The following ASIC2 variants were observed in gnomAD, a reference collection of about 807,000 sequenced individuals.
ASIC2 encodes the protein acid-sensing ion channel 2.
ASIC2 carries 25 observed loss-of-function variants against 57.3 expected under a neutral mutation model. That is an observed-to-expected ratio of 0.44 (90% CI 0.32 to 0.61). The LOEUF is 0.61. Among genes scored for constraint, ASIC2 ranks in the 20% least tolerant of loss-of-function variants. The pLI is 0.06. For synonymous variants in ASIC2, 319 were observed against 307.5 expected (o/e 1.04, Z -0.39); for missense variants, 641 against 738.1 (o/e 0.87, Z 1.52).
intron 1 of ASIC2, among the ~76,000 whole-genome samples, chr17:33,401,811 G>A (rs1910295909): frequency 6.6e-6 from 1 of 152,174 alleles, no homozygotes; most frequent in African/African-American, 2.4e-5. Context: ...GGCAGGCCTG[G>A]AAAGGAGAGA....
intron 1 of ASIC2, among the ~76,000 whole-genome samples, chr17:33,868,043 C>A (rs922223479): frequency 5.3e-5 from 8 of 152,138 alleles, no homozygotes; most frequent in Non-Finnish European, 1.5e-5. Flanking sequence ...GTCATTGAAG[C>A]CATTTGATCT....
chr17:33,635,902 T>G (rs1003052866), intron 1 of ASIC2, among the ~76,000 whole-genome samples: 1 of 152,120 alleles, frequency 6.6e-6, no homozygotes, highest in African/African-American at 2.4e-5. Flanking sequence ...ACTGCAAAAC[T>G]TAGAAAACCA....
intron 2 of ASIC2, among the ~76,000 whole-genome samples, chr17:33,102,820 G>A (rs972944260): frequency 5.9e-5 from 9 of 152,136 alleles, no homozygotes; most frequent in Non-Finnish European, 1.2e-4. Context: ...GTCTCGCTCT[G>A]TCGCCCAGGC....
At chr17:33,899,947 T>C (rs905887789) in intron 1 of ASIC2, among the ~76,000 whole-genome samples, 37 of 152,194 alleles carry the variant, frequency 2.4e-4, no homozygotes, top group Admixed American at 3.9e-4. Context: ...TGATAGGTGA[T>C]TGAATGAGTA....
At chr17:33,378,617 C>A (rs1909365794) in intron 1 of ASIC2, among the ~76,000 whole-genome samples, 1 of 152,194 alleles carries the variant, frequency 6.6e-6, no homozygotes, top group South Asian at 2.1e-4. Context: ...AAATATGTAG[C>A]AAATTAGATT....
intron 1 of ASIC2, among the ~76,000 whole-genome samples, chr17:33,328,016 C>A (rs532298737): frequency 1.3e-4 from 20 of 152,320 alleles, no homozygotes; most frequent in African/African-American, 4.8e-4. Context: ...AAGAAAGAAG[C>A]AATTCCTTAT....
chr17:33,938,704 A>ACC (rs1916121056), intron 1 of ASIC2, among the ~76,000 whole-genome samples: 1 of 152,172 alleles, frequency 6.6e-6, no homozygotes, highest in Non-Finnish European at 1.5e-5. Flanking sequence ...AGTGCCTGGG[A>ACC]AGTGCCCAGC....
At chr17:33,809,635 A>C (rs571019743) in intron 1 of ASIC2, among the ~76,000 whole-genome samples, 2 of 152,334 alleles carry the variant, frequency 1.3e-5, no homozygotes, top group African/African-American at 2.4e-5. Flanking sequence ...GGTGTACCCA[A>C]ATACTGAGGA....
intron 1 of ASIC2, among the ~76,000 whole-genome samples, chr17:33,755,189 C>T (rs1910558032): frequency 6.6e-6 from 1 of 152,012 alleles, no homozygotes; most frequent in Non-Finnish European, 1.5e-5. Flanking sequence ...AAGAAGAGAT[C>T]AGGGTGAGGT....
chr17:33,783,612 C>CCCAT (rs1293117681), intron 1 of ASIC2, among the ~76,000 whole-genome samples: 1 of 152,236 alleles, frequency 6.6e-6, no homozygotes, highest in African/African-American at 2.4e-5. Flanking sequence ...GTCTGGGCCA[C>CCCAT]CCATCCCTAC....
chr17:33,204,758 C>T (rs1004401699), intron 1 of ASIC2, among the ~76,000 whole-genome samples: 7 of 152,198 alleles, frequency 4.6e-5, no homozygotes, highest in African/African-American at 1.7e-4. Flanking sequence ...TACATGTCCA[C>T]TATTAGAGAA....
chr17:33,475,022 T>C (rs1913174235), intron 1 of ASIC2, among the ~76,000 whole-genome samples: 1 of 152,082 alleles, frequency 6.6e-6, no homozygotes. Context: ...TTTGTTACTC[T>C]CCTACCTCCA....
chr17:33,999,828 T>C (rs914156640), intron 1 of ASIC2, among the ~76,000 whole-genome samples: 2 of 152,162 alleles, frequency 1.3e-5, no homozygotes, highest in African/African-American at 4.8e-5. Flanking sequence ...ATTCAGGATT[T>C]AGCTATATTT....
chr17:33,425,072 A>G lies in ASIC2; in HGVS notation c.556-313005T>C, dbSNP rs532705897. ...AAATTTCCCAACACTCCTAGGAGAA[A>G]ATTATTATGAAGCCCAGTATTGTAA... On this transcript the variant is annotated intron_variant, in intron 1 of 9. Transcript: ENST00000359872. Among the ~76,000 whole-genome samples, 3 of 152,352 alleles carry G rather than the reference A, an allele frequency of 2.0e-5. No homozygotes were observed. The South Asian group carries it at 6.2e-4, about 32-fold the overall frequency.
chr17:33,580,874 A>G (rs894934435), intron 1 of ASIC2, among the ~76,000 whole-genome samples: 4 of 152,216 alleles, frequency 2.6e-5, no homozygotes, highest in African/African-American at 9.6e-5. Context: ...TGTCATCTGC[A>G]TAGGGGCACC....
chr17:33,817,702 ATATT>A (rs1475721697), intron 1 of ASIC2, among the ~76,000 whole-genome samples: 7 of 152,174 alleles, frequency 4.6e-5, no homozygotes, highest in Non-Finnish European at 1.5e-5. Flanking sequence ...TAATACAACC[ATATT>A]TATTTTATTA....
intron 1 of ASIC2, among the ~76,000 whole-genome samples, chr17:33,842,364 C>T (rs1430445781): frequency 6.6e-6 from 1 of 152,152 alleles, no homozygotes; most frequent in Non-Finnish European, 1.5e-5. Context: ...CAGCTCGGGA[C>T]ACACATTAAG....
intron 1 of ASIC2, among the ~76,000 whole-genome samples, chr17:33,713,192 C>CTT (rs1909109006): frequency 6.6e-6 from 1 of 152,158 alleles, no homozygotes. Context: ...TTGTGAATAC[C>CTT]AGGAGGCTGG....
chr17:33,815,106 GT>G (rs1912537886), intron 1 of ASIC2, among the ~76,000 whole-genome samples: 2 of 152,148 alleles, frequency 1.3e-5, no homozygotes, highest in African/African-American at 4.8e-5. Flanking sequence ...AAGGCTGTGA[GT>G]GTGGGTTAAA....
Sources: allele counts gnomAD v4.1 joint callset (sites outside exome capture counted in the v4.1 genomes callset), GRCh38; gene constraint gnomAD v4.1.1; transcripts MANE v1.5; gene names NCBI Gene and HGNC (gene_info 2026-07-23, HGNC 2026-07-21).